ARHGAP35: variants seen among roughly 807,000 people sequenced by gnomAD.
The protein encoded by ARHGAP35 is rho GTPase-activating protein 35.
ARHGAP35 carries 15 observed loss-of-function variants against 111.1 expected under a neutral mutation model. The observed-to-expected ratio is 0.13, with a 90% CI of 0.09 to 0.21. The LOEUF is 0.21. Among genes scored for constraint, ARHGAP35 ranks in the 10% least tolerant of loss-of-function variants. The pLI is 1.00. For missense variants in ARHGAP35, 1,262 were observed against 1,873.0 expected, an observed-to-expected ratio of 0.67 and a Z score of 6.02; for synonymous variants, 643 against 710.3, an observed-to-expected ratio of 0.91 and a Z score of 1.51.
At chr19:46,904,399 G>C (rs1365502840) in intron 1 of ARHGAP35, among the ~76,000 whole-genome samples, 4 of 152,118 alleles carry the variant, frequency 2.6e-5, no homozygotes, top group Non-Finnish European at 5.9e-5. Context: ...CTCAGATTTT[G>C]CTTCTTCTTT....
chr19:46,867,327 G>A (rs1173213419), intron 1 of ARHGAP35, among the ~76,000 whole-genome samples: 2 of 152,088 alleles, frequency 1.3e-5, no homozygotes, highest in Admixed American at 1.3e-4. Flanking sequence ...TGCCTCTTTT[G>A]CTCTCCTGAT....
rs866060084 is a variant in ARHGAP35 at position 46,879,804 on chromosome 19, C to T, written c.-189+18595C>T. On this transcript the variant is annotated intron_variant, in intron 1 of 6. Coordinates refer to ENST00000672722, the MANE Select transcript of ARHGAP35 (RefSeq NM_004491.5). ...TGTCTCAAAAAAAAAAAAAAAAAAT[C>T]GCTGGGTGCAGTGGCCAACCCCTGT... is the stretch of plus-strand genomic sequence containing the variant. Among the ~76,000 whole-genome samples, 7 of 135,048 alleles carry T rather than the reference C, an allele frequency of 5.2e-5. No individual in the cohort carries two copies. In the South Asian group the frequency reaches 7.2e-4, roughly 14 times the overall value. 88.6% of individuals were successfully genotyped at this position (135,048 alleles called of 152,430 possible). A position where few individuals can be genotyped will look rare whatever the true frequency, so the allele number is the denominator to read the frequency against.
chr19:46,888,151 A>G (rs1175995700), intron 1 of ARHGAP35, among the ~76,000 whole-genome samples: 6 of 147,632 alleles, frequency 4.1e-5, no homozygotes, highest in African/African-American at 1.5e-4. Flanking sequence ...ACGGGGTTTC[A>G]CCATGTTAGC....
intron 1 of ARHGAP35, among the ~76,000 whole-genome samples, chr19:46,893,838 G>T (rs1322382331): frequency 6.7e-6 from 1 of 149,602 alleles, no homozygotes; most frequent in Non-Finnish European, 1.5e-5. Flanking sequence ...TGGATATTTT[G>T]GATATTTTGT....
chr19:46,983,561 A>G (rs1439949670), intron 3 of ARHGAP35, among the ~76,000 whole-genome samples: 1 of 150,970 alleles, frequency 6.6e-6, no homozygotes, highest in African/African-American at 2.4e-5. Flanking sequence ...ATGGCTGTTA[A>G]TAGTTATATA....
chr19:46,905,391 T>TA (rs66600603), intron 1 of ARHGAP35, among the ~76,000 whole-genome samples: 42,744 of 147,320 alleles, frequency 0.29, 6,609 homozygotes, highest in Middle Eastern at 0.41. Flanking sequence ...TTTTTTTTTT[T>TA]AATAGATGGA....
chr19:46,917,300 AT>A (rs1441190380), intron 1 of ARHGAP35, among the ~76,000 whole-genome samples: 1 of 152,138 alleles, frequency 6.6e-6, no homozygotes, highest in African/African-American at 2.4e-5. Flanking sequence ...TGTTGTCAGA[AT>A]TTCCTTCCCT....
At chr19:46,969,844 C>T (rs1397046176) in intron 3 of ARHGAP35, among the ~76,000 whole-genome samples, 3 of 152,170 alleles carry the variant, frequency 2.0e-5, no homozygotes, top group African/African-American at 7.2e-5. Flanking sequence ...CTGTATTTTC[C>T]TAGGAATGCT....
intron 1 of ARHGAP35, among the ~76,000 whole-genome samples, chr19:46,903,284 T>C (rs925465044): frequency 6.6e-6 from 1 of 152,184 alleles, no homozygotes; most frequent in African/African-American, 2.4e-5. Flanking sequence ...GATTTTAACA[T>C]AGTAAATGCC....
chr19:46,955,980 A>G (rs570942236), intron 3 of ARHGAP35, among the ~76,000 whole-genome samples: 5 of 152,248 alleles, frequency 3.3e-5, no homozygotes, highest in South Asian at 2.1e-4. Flanking sequence ...CAGCACCAAC[A>G]TGATTCCCCA....
In ARHGAP35 at chr19:46,884,519, C is replaced by G. The variant is rs1028531589; in HGVS notation, c.-189+23310C>G. ...TTTTTTTTTTTTTTTTTTTTTTTCC[C>G]CTTTTGAGATAGGGTCTCTTGTCCA... On this transcript the variant is annotated intron_variant, in intron 1 of 6. Transcript: ENST00000672722. 8.0e-5 allele frequency among the ~76,000 whole-genome samples: 10 copies of G among 125,330 alleles called. No homozygotes were observed. In the East Asian group the frequency reaches 1.8e-3, roughly 22 times the overall value. 82.2% of individuals were successfully genotyped at this position (125,330 alleles called of 152,430 possible). A position where few individuals can be genotyped will look rare whatever the true frequency, so the allele number is the denominator to read the frequency against.
chr19:46,898,346 AT>A (rs769981511), intron 1 of ARHGAP35, among the ~76,000 whole-genome samples: 6 of 152,212 alleles, frequency 3.9e-5, no homozygotes, highest in African/African-American at 7.2e-5. Context: ...AGTCAAAAAA[AT>A]ATACTTATTG....
chr19:46,903,092 A>G (rs2056089706), intron 1 of ARHGAP35, among the ~76,000 whole-genome samples: 1 of 152,168 alleles, frequency 6.6e-6, no homozygotes, highest in Admixed American at 6.5e-5. Context: ...AGGCCTTGAC[A>G]GTGGGTTTTC....
Position 47,001,364 on chromosome 19 carries a change from A to G in ARHGAP35, c.*676A>G, listed in dbSNP as rs2056747623. 1 of 1,290,132 alleles carries G rather than the reference A, an allele frequency of 7.8e-7. No individual in the cohort carries two copies. Among genetic ancestry groups the G allele is most frequent in the Non-Finnish European group, 1.0e-6 (1 of 988,998 alleles). 79.9% of individuals were successfully genotyped at this position (1,290,132 alleles called of 1,614,324 possible). A position where few individuals can be genotyped will look rare whatever the true frequency, so the allele number is the denominator to read the frequency against. On this transcript the variant is annotated 3_prime_UTR_variant, in exon 7 of 7. Coordinates refer to ENST00000672722, the MANE Select transcript of ARHGAP35 (RefSeq NM_004491.5). The surrounding 1 kb of genome is among the most constrained non-coding windows in gnomAD (Gnocchi z 5.4). The stretch of plus-strand genomic sequence containing the variant: ...TTCCCGAAACATTCCCTGGCAAACA[A>G]AGGAACACTAGGAGAAAAAATGGAA...
At chr19:46,991,241 A>C (rs2056677549) in intron 5 of ARHGAP35, among the ~76,000 whole-genome samples, 1 of 152,216 alleles carries the variant, frequency 6.6e-6, no homozygotes, top group Non-Finnish European at 1.5e-5. Context: ...AGCTTGTCTC[A>C]CAGTGGAAGT....
intron 1 of ARHGAP35, among the ~76,000 whole-genome samples, chr19:46,890,897 C>T (rs1366588896): frequency 6.6e-6 from 1 of 152,226 alleles, no homozygotes; most frequent in East Asian, 1.9e-4. Context: ...GTGTGTAATA[C>T]TGGACTGGAC....
intron 1 of ARHGAP35, among the ~76,000 whole-genome samples, chr19:46,884,293 C>CA (rs113100819): frequency 4.6e-5 from 7 of 151,870 alleles, no homozygotes; most frequent in African/African-American, 1.7e-4. Flanking sequence ...GCCTGGGCAA[C>CA]AAAAACAACA....
rs574941788 is a variant in ARHGAP35 at position 46,955,814 on chromosome 19, G to A, written c.3826+18406G>A. Among the ~76,000 whole-genome samples the A allele has an allele frequency of 2.6e-4, 40 of 152,252 alleles. 1 individual carries two copies. In the South Asian group the frequency reaches 7.7e-3, roughly 29 times the overall value. On this transcript the variant is annotated intron_variant, in intron 3 of 6. Coordinates refer to ENST00000672722, the MANE Select transcript of ARHGAP35 (RefSeq NM_004491.5). ...TCCTTTTTAAAAAATGGTAATTGCT[G>A]TATGATTGTCAAATTTTTCCTCTTG... is the stretch of plus-strand genomic sequence containing the variant.
At chr19:46,963,972 A>G (rs2056499305) in intron 3 of ARHGAP35, among the ~76,000 whole-genome samples, 1 of 151,648 alleles carries the variant, frequency 6.6e-6, no homozygotes, top group African/African-American at 2.4e-5. Context: ...GGTTCAAGCA[A>G]TTCTCCTGCC....
Sources: allele counts gnomAD v4.1 joint callset (sites outside exome capture counted in the v4.1 genomes callset), GRCh38; gene constraint gnomAD v4.1.1; non-coding constraint Gnocchi (gnomAD v3.1); transcripts MANE v1.5; gene names NCBI Gene and HGNC (gene_info 2026-07-23, HGNC 2026-07-21).